Variants in USP20 observed in about 807,000 individuals in gnomAD.
The protein encoded by USP20 is ubiquitin specific peptidase 20.
Under a neutral mutation model 124.2 loss-of-function variants are expected in USP20, and 80 were observed. The ratio of observed to expected loss-of-function variants is 0.64; its 90% CI spans 0.54 to 0.78. The LOEUF is 0.78. USP20 is among the 30% of genes least tolerant of loss of function. The pLI, the probability that USP20 is intolerant of heterozygous loss-of-function variation, is 0.00. For missense variants in USP20, 1,043 were observed against 1,244.4 expected, an observed-to-expected ratio of 0.84 and a Z score of 2.44; for synonymous variants, 481 against 512.3, an observed-to-expected ratio of 0.94 and a Z score of 0.83.
At chr9:129,874,989 C>T in intron 19 of USP20, 34 bp downstream of exon 19, 3 of 1,608,034 alleles carry the variant, frequency 1.9e-6, no homozygotes, top group Non-Finnish European at 2.5e-6. Context: ...GGAGGAACCT[C>T]ACCATCCCCG....
At chr9:129,866,430 C>T (rs871169) in intron 10 of USP20, among the ~76,000 whole-genome samples, 131,584 of 152,278 alleles carry the variant, frequency 0.86, 57,215 homozygotes, top group East Asian at 0.98. Context: ...GTCACCCACA[C>T]GTTACAGGTA....
chr9:129,836,443 A>G (rs1170409827), intron 1 of USP20, among the ~76,000 whole-genome samples: 1 of 152,178 alleles, frequency 6.6e-6, no homozygotes, highest in African/African-American at 2.4e-5. Flanking sequence ...GAGGTGGAAC[A>G]GGAATTGGTT....
chr9:129,861,600 C>T lies in USP20; in HGVS notation c.485C>T (p.Ala162Val), dbSNP rs757829525. 16 of 1,614,134 alleles carry T rather than the reference C, an allele frequency of 9.9e-6. No homozygotes were observed. The South Asian group carries it at 1.1e-4, about 11-fold the overall frequency. The change falls in exon 8 of 26, where the codon GCC becomes GTC. Residue 162 changes from alanine (A) to valine (V), a missense_variant. Transcript: ENST00000372429. ...NSCYMNAALQ[A>V]LSNCPPLTQF... ...TGCTACATGAACGCTGCCCTGCAGG[C>T]CCTGTCCAATTGGTAGGTCGACACT...
intron 10 of USP20, among the ~76,000 whole-genome samples, chr9:129,867,146 C>G (rs1451485983): frequency 6.6e-6 from 1 of 152,128 alleles, no homozygotes; most frequent in African/African-American, 2.4e-5. Flanking sequence ...GGGCTCGGAA[C>G]CCAAGTCCTT....
Position 129,879,736 on chromosome 9 carries a change from C to T in USP20, c.2584+92C>T. On this transcript the variant is annotated intron_variant, in intron 24 of 25. Coordinates refer to ENST00000372429, the MANE Select transcript of USP20 (RefSeq NM_001110303.4). The surrounding 1 kb of genome is among the most constrained non-coding windows in gnomAD (Gnocchi z 4.2). ...CCCGTCCTTCCAGGAGCCCCCTTACCACCTGTCTTAGAGTCAGGCTGAGAC... is the reference window on the plus strand; with the variant it reads ...CCCGTCCTTCCAGGAGCCCCCTTACTACCTGTCTTAGAGTCAGGCTGAGAC... 6.9e-7 allele frequency: 1 copy of T among 1,451,660 alleles called. No homozygotes were observed. Among genetic ancestry groups the T allele is most frequent in the Non-Finnish European group, 9.6e-7 (1 of 1,040,696 alleles). 89.9% of individuals were successfully genotyped at this position (1,451,660 alleles called of 1,614,324 possible).
intron 8 of USP20, among the ~76,000 whole-genome samples, chr9:129,861,896 A>G (rs2033568632): frequency 6.6e-6 from 1 of 152,234 alleles, no homozygotes. Flanking sequence ...ATAAATTCTC[A>G]TAGCCCTTGC....
chr9:129,872,782 G>T (rs1362738353), intron 15 of USP20, among the ~76,000 whole-genome samples: 1 of 152,128 alleles, frequency 6.6e-6, no homozygotes, highest in East Asian at 1.9e-4. Flanking sequence ...CTACTCCGGA[G>T]GCTGAGGGTC....
intron 11 of USP20, 138 bp from the exon 12 acceptor site, chr9:129,868,724 G>T: frequency 7.1e-7 from 1 of 1,415,900 alleles, no homozygotes; most frequent in South Asian, 1.5e-5. Flanking sequence ...GCTGGGGCCA[G>T]GAGTGGGCAC....
chr9:129,858,364 C>A, intron 5 of USP20, 103 bp from the exon 6 acceptor site: 1 of 1,541,780 alleles, frequency 6.5e-7, no homozygotes, highest in Non-Finnish European at 8.9e-7. Context: ...TCTGTCCTGA[C>A]AGGGCCTCTT....
At position 129,856,333 on chromosome 9, in the gene USP20, C is replaced by T. The variant is rs371999316; in HGVS notation, c.108C>T (p.Thr36=). 2.5e-5 allele frequency: 41 copies of T among 1,614,182 alleles called. No homozygotes were observed. The highest frequency in any genetic ancestry group is 6.7e-5 in the African/African-American group (5 of 75,050). The change falls in exon 4 of 26, where the codon ACC becomes ACT. Residue 36 remains threonine, a synonymous_variant. Coordinates refer to ENST00000372429, the MANE Select transcript of USP20 (RefSeq NM_001110303.4). The part of the protein sequence containing the change: ...SKGTCQSCGV[T]GPNLWACLQV... ...GAACCTGTCAGTCGTGTGGGGTCAC[C>T]GGACCAAACCTATGGGCCTGTCTGC...
chr9:129,877,330 C>A (rs548407335), intron 22 of USP20, among the ~76,000 whole-genome samples: 1 of 151,992 alleles, frequency 6.6e-6, no homozygotes. Context: ...ACCAACTTGG[C>A]CAACATGGCG....
intron 10 of USP20, among the ~76,000 whole-genome samples, chr9:129,867,499 G>C (rs1209101764): frequency 1.3e-5 from 2 of 152,124 alleles, no homozygotes; most frequent in Admixed American, 6.5e-5. Context: ...CCAGAGGAAG[G>C]GTAGAGCATG....
In USP20 at chr9:129,839,924, C is replaced by T. The variant is rs1051285529; in HGVS notation, c.-129+4425C>T. ...GCCCCTGTGGGTGGAGTGGCACTTT[C>T]CCCCACCCTGGAGGCCCAGGGAAGG... is the stretch of plus-strand genomic sequence containing the variant. On this transcript the variant is annotated intron_variant, in intron 1 of 25. Coordinates refer to ENST00000372429, the MANE Select transcript of USP20 (RefSeq NM_001110303.4). The surrounding 1 kb of genome is among the most constrained non-coding windows in gnomAD (Gnocchi z 4.5). 6.6e-6 allele frequency among the ~76,000 whole-genome samples: 1 copy of T among 152,124 alleles called. No homozygotes were observed. Among genetic ancestry groups the T allele is most frequent in the African/African-American group, 2.4e-5 (1 of 41,422 alleles).
chr9:129,877,220 T>C (rs1207584265), intron 22 of USP20, among the ~76,000 whole-genome samples: 1 of 152,080 alleles, frequency 6.6e-6, no homozygotes, highest in Non-Finnish European at 1.5e-5. Flanking sequence ...TTGTGGCCAT[T>C]AGGAAATGAT....
In USP20 at chr9:129,873,679, G is replaced by T; in HGVS notation, c.1695-20G>T. 5 of 1,613,682 alleles carry T rather than the reference G, an allele frequency of 3.1e-6. No individual in the cohort carries two copies. Among genetic ancestry groups the T allele is most frequent in the Non-Finnish European group, 4.2e-6 (5 of 1,180,022 alleles). Reference sequence around the variant, plus strand: ...GGCCCTGATGCCGGACACTGATGCTGGCTCGTGCTTCCTCCCCAGGCTGCG... The same window carrying T: ...GGCCCTGATGCCGGACACTGATGCTTGCTCGTGCTTCCTCCCCAGGCTGCG... On this transcript the variant is annotated intron_variant, in intron 16 of 25. Transcript: ENST00000372429.
chr9:129,879,411 C>G lies in USP20; in HGVS notation c.2513-162C>G. 1 of 660,272 alleles carries G rather than the reference C, an allele frequency of 1.5e-6. No individual in the cohort carries two copies. Among genetic ancestry groups the G allele is most frequent in the Non-Finnish European group, 2.7e-6 (1 of 375,416 alleles). The allele number at this position is 660,272 out of a possible 1,614,324, so 40.9% of individuals were successfully genotyped here. A position where few individuals can be genotyped will look rare whatever the true frequency, so the allele number is the denominator to read the frequency against. Reference sequence around the variant, plus strand: ...CTGGAAATTCCCTCTGCTGGGTCCTCAGACTGCCACAGAGGAGCATTGGGT... The same window carrying G: ...CTGGAAATTCCCTCTGCTGGGTCCTGAGACTGCCACAGAGGAGCATTGGGT... On this transcript the variant is annotated intron_variant, in intron 23 of 25. Transcript: ENST00000372429. The surrounding 1 kb of genome is among the most constrained non-coding windows in gnomAD (Gnocchi z 4.2).
At chr9:129,860,096 C>T (rs894486197) in intron 6 of USP20, among the ~76,000 whole-genome samples, 3 of 151,696 alleles carry the variant, frequency 2.0e-5, no homozygotes, top group Non-Finnish European at 2.9e-5. Flanking sequence ...TTTGGGAGGC[C>T]GAGGCGGGCA....
chr9:129,878,822 A>G (rs914350460), intron 23 of USP20, among the ~76,000 whole-genome samples: 4 of 152,254 alleles, frequency 2.6e-5, no homozygotes, highest in Admixed American at 1.3e-4. Flanking sequence ...GGGTCCCCCA[A>G]GTCCCCAGTG....
At chr9:129,876,476 TA>T (rs1217864408) in intron 22 of USP20, among the ~76,000 whole-genome samples, 2 of 151,914 alleles carry the variant, frequency 1.3e-5, no homozygotes, top group Non-Finnish European at 2.9e-5. Flanking sequence ...CCGTCTCTAC[TA>T]AAAATACAAA....
Sources: gnomAD v4.1 joint callset for allele counts (sites outside exome capture counted in the v4.1 genomes callset) on GRCh38, gnomAD v4.1.1 for gene constraint, Gnocchi (gnomAD v3.1) non-coding constraint, MANE v1.5 for transcripts, NCBI Gene and HGNC (gene_info 2026-07-23, HGNC 2026-07-21) for gene names.